RXRA: variants seen among roughly 807,000 people sequenced by gnomAD.
The protein encoded by RXRA is retinoic acid receptor RXR-alpha.
In RXRA, 5 loss-of-function variants were observed where a neutral mutation model predicts 44.5. The ratio of observed to expected loss-of-function variants is 0.11; its 90% CI spans 0.06 to 0.24. RXRA has a LOEUF of 0.24. Among genes scored for constraint, RXRA ranks in the 10% least tolerant of loss-of-function variants. The pLI, the probability that RXRA is intolerant of heterozygous loss-of-function variation, is 1.00. For missense variants in RXRA, 412 were observed against 646.5 expected, an observed-to-expected ratio of 0.64 and a Z score of 3.93; for synonymous variants, 291 against 271.4, an observed-to-expected ratio of 1.07 and a Z score of -0.71.
intron 4 of RXRA, among the ~76,000 whole-genome samples, chr9:134,410,640 G>C (rs1831132499): frequency 6.6e-6 from 1 of 152,218 alleles, no homozygotes; most frequent in Admixed American, 6.5e-5. Flanking sequence ...GCAGTGGCCG[G>C]GGCCCCTGTG....
chr9:134,360,296 C>T (rs904602046), intron 1 of RXRA, among the ~76,000 whole-genome samples: 7 of 152,192 alleles, frequency 4.6e-5, no homozygotes, highest in South Asian at 4.1e-4. Context: ...ACTGGCCTGT[C>T]GGGCGGCAGG....
rs17847922 is a variant in RXRA, at chr9:134,417,616, C to G, written c.780+289C>G. Among the ~76,000 whole-genome samples the G allele has an allele frequency of 2.0e-5, 3 of 152,104 alleles. No individual in the cohort carries two copies. The highest frequency in any genetic ancestry group is 4.4e-5 in the Non-Finnish European group (3 of 68,008). ...CGGCCACATCATCATCCTCGGCCACCTCTGCTGGGGCCTCAGCCGCCGTGT... is the reference window on the plus strand; with the variant it reads ...CGGCCACATCATCATCCTCGGCCACGTCTGCTGGGGCCTCAGCCGCCGTGT... On this transcript the variant is annotated intron_variant, in intron 5 of 9. Coordinates refer to ENST00000481739, the MANE Select transcript of RXRA (RefSeq NM_002957.6). The surrounding 1 kb of genome is among the most constrained non-coding windows in gnomAD (Gnocchi z 6.1).
At chr9:134,422,198 AG>A in intron 6 of RXRA, 14 of 1,192,302 alleles carry the variant, frequency 1.2e-5, no homozygotes, top group Non-Finnish European at 1.4e-5. Flanking sequence ...TTCCCCCTCC[AG>A]GGACACACTT....
chr9:134,394,210 GA>G (rs66990714), intron 1 of RXRA, among the ~76,000 whole-genome samples: 1,837 of 1,894 alleles, frequency 0.97, 911 homozygotes, highest in Middle Eastern at 1. Context: ...TGTTAATGGT[GA>G]GTGATGGTGA....
intron 6 of RXRA, chr9:134,425,570 G>A (rs1831419892): frequency 1.3e-5 from 11 of 820,332 alleles, no homozygotes; most frequent in Non-Finnish European, 1.5e-5. Flanking sequence ...GGGTGAGGGG[G>A]GTGGGGGGAA....
rs1328884500 is a variant in RXRA, at chr9:134,343,357, T to C, written c.28+16698T>C. ...GGTTGCCTCTGAACCTCAGTGTCTT[T>C]GAGGGCTGGGAGGAGGAGTTTCTTC... On this transcript the variant is annotated intron_variant, in intron 1 of 9. Transcript: ENST00000481739. The surrounding 1 kb of genome is among the most constrained non-coding windows in gnomAD (Gnocchi z 4.1). Among the ~76,000 whole-genome samples, 1 of 152,088 alleles carries C rather than the reference T, an allele frequency of 6.6e-6. No homozygotes were observed. Among genetic ancestry groups the C allele is most frequent in the Non-Finnish European group, 1.5e-5 (1 of 68,010 alleles).
rs542813875 is a variant in RXRA, at chr9:134,417,926, G to A, written c.780+599G>A. ...CAAGGGGAGGAGGATTGGGTGGGCC[G>A]CAGCCCTGGTCCCGGGCTCTTCTCC... On this transcript the variant is annotated intron_variant, in intron 5 of 9. Coordinates refer to ENST00000481739, the MANE Select transcript of RXRA (RefSeq NM_002957.6). This position sits in a 1 kb window ranked among gnomAD's most constrained non-coding sequence, Gnocchi z 6.1. Among the ~76,000 whole-genome samples, 360 of 152,160 alleles carry A rather than the reference G, an allele frequency of 2.4e-3. 2 individuals carry two copies. Among genetic ancestry groups the A allele is most frequent in the African/African-American group, 8.0e-3 (332 of 41,524 alleles).
intron 1 of RXRA, among the ~76,000 whole-genome samples, chr9:134,390,119 A>G (rs1279198682): frequency 6.6e-6 from 1 of 152,176 alleles, no homozygotes; most frequent in Non-Finnish European, 1.5e-5. Flanking sequence ...ATTCCCCGGC[A>G]GGATTTTTCT....
intron 3 of RXRA, among the ~76,000 whole-genome samples, chr9:134,408,521 GGGCAGC>G: frequency 6.6e-6 from 1 of 152,358 alleles, no homozygotes; most frequent in East Asian, 1.9e-4. Flanking sequence ...GTGGGGCACA[GGGCAGC>G]CTGAGGCTTC....
chr9:134,381,996 C>T (rs770920043), intron 1 of RXRA, among the ~76,000 whole-genome samples: 4 of 152,158 alleles, frequency 2.6e-5, no homozygotes, highest in Admixed American at 6.5e-5. Flanking sequence ...GCCCTCCCCA[C>T]GTCTCCTCCT....
chr9:134,414,601 C>T (rs1402189440), intron 4 of RXRA, among the ~76,000 whole-genome samples: 2 of 152,366 alleles, frequency 1.3e-5, no homozygotes, highest in East Asian at 1.9e-4. Flanking sequence ...CCAGGGCCTG[C>T]AGCTTTAGGC....
In RXRA at chr9:134,433,247, G is replaced by A. The variant is rs1025614364; in HGVS notation, c.1136-855G>A. 6.6e-6 allele frequency among the ~76,000 whole-genome samples: 1 copy of A among 152,124 alleles called. No homozygotes were observed. Among genetic ancestry groups the A allele is most frequent in the Non-Finnish European group, 1.5e-5 (1 of 68,028 alleles). On this transcript the variant is annotated intron_variant, in intron 8 of 9. Transcript: ENST00000481739. This position sits in a 1 kb window ranked among gnomAD's most constrained non-coding sequence, Gnocchi z 4.2. ...GCTGAGTCATGCCACGGCCCGGCCC[G>A]GCCCGAGGAATCCCCATTCAGGTCC...
chr9:134,379,278 C>T (rs760187156), intron 1 of RXRA: 1 of 986,408 alleles, frequency 1.0e-6, no homozygotes, highest in South Asian at 4.7e-5. Flanking sequence ...CCATCAGCAA[C>T]AGCTGTTGCC....
rs540564699 is a variant in RXRA at position 134,387,047 on chromosome 9, C to T, written c.29-14585C>T. ...GGCTTAAGCGGCCAGACTGCTCAGC[C>T]TCTGCCTGCCCTGGGCCGCTGCTGT... On this transcript the variant is annotated intron_variant, in intron 1 of 9. Coordinates refer to ENST00000481739, the MANE Select transcript of RXRA (RefSeq NM_002957.6). 2.0e-4 allele frequency among the ~76,000 whole-genome samples: 30 copies of T among 152,328 alleles called. 1 individual carries two copies. The South Asian group carries it at 6.2e-3, about 32-fold the overall frequency.
At chr9:134,393,543 C>T (rs552139556) in intron 1 of RXRA, among the ~76,000 whole-genome samples, 18 of 152,332 alleles carry the variant, frequency 1.2e-4, no homozygotes, top group Admixed American at 5.2e-4. Context: ...ATCATAGCAA[C>T]GGCTGCAAGA....
chr9:134,401,761 C>A lies in RXRA; in HGVS notation c.158C>A (p.Thr53Asn). The change falls in exon 2 of 10, where the codon ACC becomes AAC. Residue 53 changes from threonine (T) to asparagine (N), a missense_variant. Physicochemically the swap from Thr to Asn is moderately conservative, Grantham distance 65 (BLOSUM62 0). Transcript: ENST00000481739. ...GGACAGCTGCATTCTCCCATCAGCA[C>A]CCTGAGCTCCCCCATCAACGGCATG... ...SPGQLHSPIS[T>N]LSSPINGMGP... The A allele has an allele frequency of 1.2e-6, 2 of 1,613,252 alleles. No homozygotes were observed. Among genetic ancestry groups the A allele is most frequent in the East Asian group, 2.2e-5 (1 of 44,860 alleles).
intron 1 of RXRA, among the ~76,000 whole-genome samples, chr9:134,344,725 G>A (rs956374020): frequency 1.3e-5 from 2 of 152,200 alleles, no homozygotes; most frequent in African/African-American, 4.8e-5. Flanking sequence ...TCAGGAGCCA[G>A]GCAGGCCCCA....
Position 134,398,145 on chromosome 9 carries a change from A to C in RXRA, c.29-3487A>C, listed in dbSNP as rs192569000. The stretch of plus-strand genomic sequence containing the variant: ...CAGGCGTGCACCACCATGCCCAGCT[A>C]ATTTTTGTATTTTTGGTAGAGATGG... On this transcript the variant is annotated intron_variant, in intron 1 of 9. Transcript: ENST00000481739. Among the ~76,000 whole-genome samples the C allele has an allele frequency of 5.8e-3, 889 of 152,018 alleles. 3 individuals carry two copies. The highest frequency in any genetic ancestry group is 9.5e-3 in the Non-Finnish European group (643 of 67,964).
At chr9:134,388,904 T>G (rs983931692) in intron 1 of RXRA, among the ~76,000 whole-genome samples, 1 of 152,202 alleles carries the variant, frequency 6.6e-6, no homozygotes, top group Non-Finnish European at 1.5e-5. Flanking sequence ...GGGCTGCTGC[T>G]TGACGGACTG....
Sources: allele counts gnomAD v4.1 joint callset (sites outside exome capture counted in the v4.1 genomes callset), GRCh38; gene constraint gnomAD v4.1.1; non-coding constraint Gnocchi (gnomAD v3.1); transcripts MANE v1.5; gene names NCBI Gene and HGNC (gene_info 2026-07-23, HGNC 2026-07-21).